NDEL1: variants seen among roughly 807,000 people sequenced by gnomAD.
The protein encoded by NDEL1 is nuclear distribution protein nudE-like 1.
A neutral mutation model predicts 45.7 loss-of-function variants in NDEL1; 9 were observed. The observed-to-expected ratio is 0.20, with a 90% CI of 0.12 to 0.34. The LOEUF (loss-of-function observed/expected upper bound fraction) is 0.34. Among genes scored for constraint, NDEL1 ranks in the 10% least tolerant of loss-of-function variants. NDEL1 has a pLI of 1.00. For missense variants in NDEL1, 306 were observed against 406.2 expected (o/e 0.75, Z 2.12); for synonymous variants, 133 against 158.6 (o/e 0.84, Z 1.21).
chr17:8,467,694 C>G lies in NDEL1; in HGVS notation c.*671C>G, dbSNP rs1158968220. 6.5e-6 allele frequency: 1 copy of G among 153,444 alleles called. No individual in the cohort carries two copies. The highest frequency in any genetic ancestry group is 1.5e-5 in the Non-Finnish European group (1 of 68,572). The allele number at this position is 153,444 out of a possible 1,614,324, so 9.5% of individuals were successfully genotyped here. ...CACACAGGCCCAGCCTCTGTGCTGT[C>G]TCCTCCTCCGTGCGCCTCAGACTCG... On this transcript the variant is annotated 3_prime_UTR_variant, in exon 9 of 9. Transcript: ENST00000334527. This position sits in a 1 kb window ranked among gnomAD's most constrained non-coding sequence, Gnocchi z 6.3.
chr17:8,452,602 A>G (rs1353028386), intron 6 of NDEL1, among the ~76,000 whole-genome samples: 1 of 152,154 alleles, frequency 6.6e-6, no homozygotes, highest in East Asian at 1.9e-4. Context: ...AATCGGTAAG[A>G]TCTTAGAGCT....
At chr17:8,448,819 C>G in intron 5 of NDEL1, 133 bp downstream of exon 5, 1 of 933,364 alleles carries the variant, frequency 1.1e-6, no homozygotes, top group South Asian at 2.1e-5. Flanking sequence ...CATTCAAAAC[C>G]CTGTATATGG....
intron 1 of NDEL1, among the ~76,000 whole-genome samples, chr17:8,430,740 C>CT (rs1435007996): frequency 1.3e-5 from 2 of 152,194 alleles, no homozygotes; most frequent in Admixed American, 1.3e-4. Flanking sequence ...CCTCACTCAC[C>CT]TTTTTTACCA....
intron 6 of NDEL1, among the ~76,000 whole-genome samples, chr17:8,453,131 A>G (rs966074638): frequency 2.6e-5 from 4 of 152,234 alleles, no homozygotes; most frequent in African/African-American, 9.6e-5. Flanking sequence ...ATAGGGAAAA[A>G]TGAGATCTAG....
intron 1 of NDEL1, among the ~76,000 whole-genome samples, chr17:8,417,055 C>T (rs1908561753): frequency 6.6e-6 from 1 of 152,126 alleles, no homozygotes; most frequent in Non-Finnish European, 1.5e-5. Context: ...TTCCAGCTTA[C>T]TTATGCTCCC....
intron 5 of NDEL1, among the ~76,000 whole-genome samples, chr17:8,450,107 A>AC (rs1255332841): frequency 6.6e-6 from 1 of 151,644 alleles, no homozygotes; most frequent in Non-Finnish European, 1.5e-5. Flanking sequence ...ACATGGTGAA[A>AC]CCCCATCTCT....
intron 7 of NDEL1, among the ~76,000 whole-genome samples, chr17:8,455,545 G>C (rs139273179): frequency 6.6e-6 from 1 of 151,880 alleles, no homozygotes; most frequent in Non-Finnish European, 1.5e-5. Flanking sequence ...AAAATTAGTC[G>C]GCATGGTGGC....
chr17:8,460,197 T>C (rs765000980), intron 8 of NDEL1, 37 bp downstream of exon 8: 7 of 1,592,050 alleles, frequency 4.4e-6, no homozygotes, highest in Non-Finnish European at 5.1e-6. Context: ...ATTTTTTGAG[T>C]AGTAAAGTGA....
intron 1 of NDEL1, among the ~76,000 whole-genome samples, chr17:8,421,079 T>C (rs1908695112): frequency 6.6e-6 from 1 of 152,228 alleles, no homozygotes; most frequent in South Asian, 2.1e-4. Flanking sequence ...AGGGAAAATA[T>C]GATTAACATC....
At chr17:8,416,818 C>T (rs1342397928) in intron 1 of NDEL1, among the ~76,000 whole-genome samples, 1 of 151,978 alleles carries the variant, frequency 6.6e-6, no homozygotes, top group African/African-American at 2.4e-5. Context: ...GGGGTTTATC[C>T]TCTCATTTTC....
intron 3 of NDEL1, chr17:8,446,072 G>C (rs1910062380): frequency 2.6e-6 from 1 of 382,602 alleles, no homozygotes; most frequent in Admixed American, 4.6e-5. Context: ...CTTTGTAGTT[G>C]TCACTTTTCT....
chr17:8,470,353 C>T (rs182586765), downstream of NDEL1, among the ~76,000 whole-genome samples: 303 of 152,222 alleles, frequency 2.0e-3, no homozygotes, highest in African/African-American at 7.0e-3. This position sits in a 1 kb window ranked among gnomAD's most constrained non-coding sequence, Gnocchi z 4.2. Context: ...GCTGATCTCC[C>T]GGGTGGTGGA....
chr17:8,467,012 C>T lies in NDEL1; in HGVS notation c.1027C>T (p.Leu343Phe). ...RPSSAPGMLP[L>F]SV is the part of the protein sequence containing the mutation. ...ATCGTCAGCGCCGGGTATGCTGCCT[C>T]TCAGTGTGTGAGTGCCTAGCCTCCA... The change falls in exon 9 of 9, where the codon CTC becomes TTC. Residue 343 changes from leucine to phenylalanine, a missense_variant. Around this residue, in one of 3 missense-constraint regions of NDEL1, gnomAD observed 175 missense variants for 205.2 expected, o/e 0.85. Transcript: ENST00000334527. This position sits in a 1 kb window ranked among gnomAD's most constrained non-coding sequence, Gnocchi z 6.3. 1.2e-6 allele frequency: 2 copies of T among 1,614,132 alleles called. No homozygotes were observed. The highest frequency in any genetic ancestry group is 2.2e-5 in the South Asian group (2 of 91,082).
intron 1 of NDEL1, among the ~76,000 whole-genome samples, chr17:8,422,078 G>A (rs1908719729): frequency 6.6e-6 from 1 of 152,232 alleles, no homozygotes; most frequent in South Asian, 2.1e-4. Context: ...TCACACCAGT[G>A]TGGGAGCCCT....
At chr17:8,428,005 C>T (rs1451201643) in intron 1 of NDEL1, among the ~76,000 whole-genome samples, 1 of 152,164 alleles carries the variant, frequency 6.6e-6, no homozygotes, top group African/African-American at 2.4e-5. Flanking sequence ...GGAAGAGAAT[C>T]CTATGAATAT....
chr17:8,434,722 C>T (rs1433447708), upstream of NDEL1, among the ~76,000 whole-genome samples: 2 of 152,006 alleles, frequency 1.3e-5, no homozygotes, highest in Non-Finnish European at 2.9e-5. Context: ...AATACACACG[C>T]GCGCACACAC....
chr17:8,454,963 A>G, intron 7 of NDEL1, 76 bp downstream of exon 7: 3 of 1,324,796 alleles, frequency 2.3e-6, no homozygotes, highest in Non-Finnish European at 3.2e-6. Flanking sequence ...AAGTGAGGGA[A>G]GAAAGAAAGG....
upstream of NDEL1, among the ~76,000 whole-genome samples, chr17:8,430,924 C>A (rs766065227): frequency 7.2e-5 from 11 of 152,362 alleles, no homozygotes; most frequent in Non-Finnish European, 1.2e-4. Context: ...AAAGCTCAAC[C>A]ACAAGGGGGA....
At chr17:8,435,054 G>C (rs1440486359), upstream of NDEL1, among the ~76,000 whole-genome samples, 1 of 151,632 alleles carries the variant, frequency 6.6e-6, no homozygotes, top group Non-Finnish European at 1.5e-5. Flanking sequence ...TGGGCAACAA[G>C]AGCGAAACTC....
Sources: allele counts gnomAD v4.1 joint callset (sites outside exome capture counted in the v4.1 genomes callset), GRCh38; gene constraint gnomAD v4.1.1; regional missense constraint gnomAD v4.1.1; non-coding constraint Gnocchi (gnomAD v3.1); transcripts MANE v1.5; gene names NCBI Gene and HGNC (gene_info 2026-07-23, HGNC 2026-07-21).